ADGRV1: variants seen among roughly 807,000 people sequenced by gnomAD.
ADGRV1 encodes adhesion G protein-coupled receptor V1.
Under a neutral mutation model 596.2 loss-of-function variants are expected in ADGRV1, and 359 were observed. The ratio of observed to expected loss-of-function variants is 0.60; its 90% CI spans 0.55 to 0.66. The LOEUF (loss-of-function observed/expected upper bound fraction) is 0.66, where lower values mean the gene tolerates loss of function less well. Ranked by LOEUF, ADGRV1 falls within the 30% of genes least tolerant of loss-of-function variation. The probability of loss-of-function intolerance (pLI) is 0.00; values close to 1 mark genes in which losing one functional copy is unlikely to be tolerated. For synonymous variants in ADGRV1, 2,681 were observed against 2,679.2 expected (o/e 1.00, Z -0.02); for missense variants, 7,274 against 7,575.6 (o/e 0.96, Z 1.48).
At chr5:90,844,880 T>C (rs1561837639) in intron 78 of ADGRV1, among the ~76,000 whole-genome samples, 1 of 152,194 alleles carries the variant, frequency 6.6e-6, no homozygotes, top group Non-Finnish European at 1.5e-5. Context: ...GGGAGTTCTT[T>C]TGTTGTTTGT....
intron 20 of ADGRV1, chr5:90,654,153 T>G: frequency 6.4e-6 from 4 of 623,812 alleles, no homozygotes; most frequent in Non-Finnish European, 1.1e-5. Context: ...ATCAGAGAAT[T>G]TTGCCCTTAA....
intron 34 of ADGRV1, among the ~76,000 whole-genome samples, chr5:90,701,987 A>G (rs984767021): frequency 4.0e-5 from 6 of 151,498 alleles, no homozygotes; most frequent in African/African-American, 1.2e-4. Flanking sequence ...CCATTAACAA[A>G]TTTTGTGATT....
chr5:90,637,760 C>A lies in ADGRV1; in HGVS notation c.2052C>A (p.Gly684=). Residue 684 remains glycine (G), a synonymous_variant, in exon 11 of 90, where the codon GGC becomes GGA. Coordinates refer to ENST00000405460, the MANE Select transcript of ADGRV1 (RefSeq NM_032119.4). ...CCTTACATCGGGATGGAACTGATGGCCAGGCTACTGTCTACTGGAGTTTGA... is the reference window on the plus strand; with the variant it reads ...CCTTACATCGGGATGGAACTGATGGACAGGCTACTGTCTACTGGAGTTTGA... ...YIPLHRDGTD[G]QATVYWSLKP... 6.2e-7 allele frequency: 1 copy of A among 1,612,964 alleles called. No homozygotes were observed. The highest frequency in any genetic ancestry group is 8.5e-7 in the Non-Finnish European group (1 of 1,179,476).
At chr5:91,070,528 C>G (rs1788294032) in intron 85 of ADGRV1, among the ~76,000 whole-genome samples, 1 of 152,088 alleles carries the variant, frequency 6.6e-6, no homozygotes, top group South Asian at 2.1e-4. Flanking sequence ...AGTCTTGTAA[C>G]TTGGAGGTAT....
Position 90,642,733 on chromosome 5 carries a change from C to A in ADGRV1, c.2338C>A (p.Pro780Thr), listed in dbSNP as rs752896741. ...CCCTGGGGGAGTTTTTGAATTTTCT[C>A]CTGCTTCCAGAGGACCCTATGTTAT... ...DDPGGVFEFSPASRGPYVIKE... is the reference protein window; with the variant it reads ...DDPGGVFEFSTASRGPYVIKE... The change falls in exon 12 of 90, where the codon CCT (proline) becomes ACT (threonine). Residue 780 changes from proline (P) to threonine (T), a missense_variant. By Grantham distance (38) the Pro-to-Thr change is conservative. Around this residue, in one of 5 missense-constraint regions of ADGRV1, gnomAD observed 1,715 missense variants for 1,708.8 expected, o/e 1.00. Transcript: ENST00000405460. 6.2e-7 allele frequency: 1 copy of A among 1,613,400 alleles called. No individual in the cohort carries two copies. Among genetic ancestry groups the A allele is most frequent in the African/African-American group, 1.3e-5 (1 of 74,986 alleles).
intron 88 of ADGRV1, among the ~76,000 whole-genome samples, chr5:91,151,651 T>C (rs1796070278): frequency 6.6e-6 from 1 of 152,226 alleles, no homozygotes; most frequent in Non-Finnish European, 1.5e-5. Context: ...TGTTTACATC[T>C]GAACTGTTCA....
In ADGRV1 at chr5:90,847,224, G is replaced by T. The variant is rs1219917793; in HGVS notation, c.17020-1413G>T. ...TGAGCTAGATACAGAGTGCTGATTG[G>T]TGTATTTACAATCCCTTAGCTAGAC... On this transcript the variant is annotated intron_variant, in intron 78 of 89. Coordinates refer to ENST00000405460, the MANE Select transcript of ADGRV1 (RefSeq NM_032119.4). 4.7e-5 allele frequency among the ~76,000 whole-genome samples: 7 copies of T among 150,404 alleles called. No individual in the cohort carries two copies. In the East Asian group the frequency reaches 1.4e-3, roughly 30 times the overall value.
chr5:90,962,793 T>C (rs2150958740), intron 83 of ADGRV1, among the ~76,000 whole-genome samples: 1 of 152,320 alleles, frequency 6.6e-6, no homozygotes, highest in South Asian at 2.1e-4. Context: ...GATTTGTAAC[T>C]GATCTTCTTA....
intron 41 of ADGRV1, among the ~76,000 whole-genome samples, chr5:90,711,700 C>T (rs1002878400): frequency 1.3e-5 from 2 of 152,112 alleles, no homozygotes; most frequent in African/African-American, 2.4e-5. Flanking sequence ...CACTGAAACA[C>T]GTTTAGTGTT....
intron 50 of ADGRV1, among the ~76,000 whole-genome samples, chr5:90,743,686 T>C (rs1372685399): frequency 6.6e-6 from 1 of 151,992 alleles, no homozygotes; most frequent in African/African-American, 2.4e-5. Flanking sequence ...TTAGCCAGGA[T>C]GGTCTCGATC....
chr5:90,627,754 A>G lies in ADGRV1; in HGVS notation c.1216A>G (p.Ile406Val). ...NSVLFERTVIIDEDRISRYEE... is the reference protein window; with the variant it reads ...NSVLFERTVIVDEDRISRYEE... ...TGTTTTGTTTGAAAGGACAGTTATA[A>G]TTGATGAAGATAGAATATCAAGGTA... The change falls in exon 7 of 90, where the codon ATT becomes GTT. Residue 406 changes from isoleucine (I) to valine (V), a missense_variant. By Grantham distance (29) the Ile-to-Val change is conservative. Transcript: ENST00000405460. 6.5e-7 allele frequency: 1 copy of G among 1,542,832 alleles called. No homozygotes were observed. Among genetic ancestry groups the G allele is most frequent in the Non-Finnish European group, 8.8e-7 (1 of 1,141,798 alleles).
At position 90,711,031 on chromosome 5, in the gene ADGRV1, C is replaced by T. The variant is rs768035707; in HGVS notation, c.8875C>T (p.Arg2959Ter). The change falls in exon 40 of 90, where the codon CGA (arginine) becomes TGA (stop). Residue 2959 changes from arginine (R) to a stop codon, truncating the protein, a stop_gained. Transcript: ENST00000405460. LOFTEE classifies it high-confidence loss of function. ...TATTATTGATGCCAATGATGGGGCCCGAGGTGTAATTGAATGGCAACAAAG... is the reference window on the plus strand; with the variant it reads ...TATTATTGATGCCAATGATGGGGCCTGAGGTGTAATTGAATGGCAACAAAG... ...QVIIDANDGARGVIEWQQSRF... is the reference protein window; with the variant it reads ...QVIIDANDGA The T allele has an allele frequency of 3.1e-6, 5 of 1,610,742 alleles. No homozygotes were observed. Among genetic ancestry groups the T allele is most frequent in the Admixed American group, 3.3e-5 (2 of 59,872 alleles).
intron 70 of ADGRV1, among the ~76,000 whole-genome samples, chr5:90,800,087 TTAAAC>T (rs1239662628): frequency 1.3e-5 from 2 of 152,164 alleles, no homozygotes; most frequent in South Asian, 2.1e-4. Context: ...TGGGATCTAA[TTAAAC>T]TAAAGAGCTT....
chr5:90,920,434 T>C (rs1773777467), intron 83 of ADGRV1, among the ~76,000 whole-genome samples: 2 of 152,326 alleles, frequency 1.3e-5, no homozygotes, highest in South Asian at 4.1e-4. Context: ...TTTACTGGCT[T>C]CCTAAATTTA....
intron 9 of ADGRV1, 141 bp downstream of exon 9, chr5:90,629,680 C>T (rs868554339): frequency 2.8e-5 from 17 of 611,964 alleles, no homozygotes; most frequent in South Asian, 1.9e-4. Context: ...TTTAGGTAGT[C>T]GGAAGAGAGA....
chr5:90,852,264 C>G (rs1182975822), intron 79 of ADGRV1, among the ~76,000 whole-genome samples: 1 of 152,170 alleles, frequency 6.6e-6, no homozygotes, highest in African/African-American at 2.4e-5. Context: ...GGCCCTTACT[C>G]TTTCTTTTCC....
At chr5:90,616,110 C>T (rs1192624918) in intron 2 of ADGRV1, among the ~76,000 whole-genome samples, 2 of 151,828 alleles carry the variant, frequency 1.3e-5, no homozygotes, top group African/African-American at 2.4e-5. Flanking sequence ...GTATATTTTC[C>T]AACACCCTTC....
chr5:90,627,418 A>G lies in ADGRV1; in HGVS notation c.880A>G (p.Ile294Val). The G allele has an allele frequency of 6.2e-7, 1 of 1,613,972 alleles. No individual in the cohort carries two copies. The highest frequency in any genetic ancestry group is 8.5e-7 in the Non-Finnish European group (1 of 1,179,858). Residue 294 changes from isoleucine to valine, a missense_variant, in exon 7 of 90, where the codon ATT (isoleucine) becomes GTT (valine). Physicochemically the swap from Ile to Val is conservative, Grantham distance 29. This residue lies in a region of ADGRV1 where 1,715 missense variants were observed against 1,708.8 expected (regional missense o/e 1.00). Coordinates refer to ENST00000405460, the MANE Select transcript of ADGRV1 (RefSeq NM_032119.4). Reference protein sequence around the residue: ...VRGKDNNGNLIGSDEYEVSIS... With the variant: ...VRGKDNNGNLVGSDEYEVSIS... ...TGGAAAGGACAACAATGGAAATCTG[A>G]TTGGATCTGATGAATATGAGGTTTC...
chr5:90,686,441 A>C (rs972665203), intron 29 of ADGRV1, among the ~76,000 whole-genome samples: 3 of 151,734 alleles, frequency 2.0e-5, no homozygotes, highest in Non-Finnish European at 4.4e-5. Flanking sequence ...TTCACTTCCC[A>C]CCTATGAGTG....
Sources: allele counts gnomAD v4.1 joint callset (sites outside exome capture counted in the v4.1 genomes callset), GRCh38; gene constraint gnomAD v4.1.1; regional missense constraint gnomAD v4.1.1; transcripts MANE v1.5; gene names NCBI Gene and HGNC (gene_info 2026-07-23, HGNC 2026-07-21).